TLN2: variants seen among roughly 807,000 people sequenced by gnomAD.
TLN2 encodes the protein talin 2.
Under a neutral mutation model 294.7 loss-of-function variants are expected in TLN2, and 118 were observed. That is an observed-to-expected ratio of 0.40 (90% CI 0.34 to 0.47). The LOEUF is 0.47. Among genes scored for constraint, TLN2 ranks in the 20% least tolerant of loss-of-function variants. TLN2 has a pLI of 0.84. For synonymous variants in TLN2, 1,431 were observed against 1,304.5 expected (o/e 1.10, Z -2.09); for missense variants, 3,083 against 3,282.2 (o/e 0.94, Z 1.48).
At chr15:62,447,728 C>T (rs1276313845) in intron 1 of TLN2, among the ~76,000 whole-genome samples, 2 of 152,024 alleles carry the variant, frequency 1.3e-5, no homozygotes, top group South Asian at 2.1e-4. Flanking sequence ...CTCCTGACCC[C>T]GTGATCTGCC....
rs369853815 is a variant in TLN2 at position 62,686,911 on chromosome 15, G to A, written c.1113+115G>A. The A allele has an allele frequency of 3.8e-4, 522 of 1,381,584 alleles. 1 individual carries two copies. In the East Asian group the frequency reaches 5.1e-3, roughly 13 times the overall value. 85.6% of individuals were successfully genotyped at this position (1,381,584 alleles called of 1,614,324 possible). A position where few individuals can be genotyped will look rare whatever the true frequency, so the allele number is the denominator to read the frequency against. ...GTTTCTCTGGCCTGGGAGAGCCAGC[G>A]TGGAGTGAGGAAGATGGTGCAAGCC... On this transcript the variant is annotated intron_variant, in intron 12 of 58. Transcript: ENST00000636159.
chr15:62,562,906 T>TCACACACACACA (rs61578830), intron 1 of TLN2, among the ~76,000 whole-genome samples: 130 of 99,312 alleles, frequency 1.3e-3, no homozygotes, highest in East Asian at 2.9e-3. Context: ...TAGTATTCCA[T>TCACACACACACA]CACACACACA....
intron 1 of TLN2, among the ~76,000 whole-genome samples, chr15:62,535,207 T>G (rs1278639574): frequency 6.6e-6 from 1 of 152,192 alleles, no homozygotes; most frequent in African/African-American, 2.4e-5. Flanking sequence ...TACAGGAAAT[T>G]AGACGTGGCT....
At chr15:62,466,101 A>G (rs1170205579) in intron 1 of TLN2, among the ~76,000 whole-genome samples, 1 of 152,170 alleles carries the variant, frequency 6.6e-6, no homozygotes, top group Admixed American at 6.5e-5. Context: ...CAGGGGAGGT[A>G]TGATGAGAGG....
At chr15:62,599,257 G>A (rs1009070221) in intron 2 of TLN2, among the ~76,000 whole-genome samples, 3 of 152,184 alleles carry the variant, frequency 2.0e-5, no homozygotes, top group Admixed American at 2.0e-4. Context: ...GGGATAGAGG[G>A]GAGTCAATAT....
intron 3 of TLN2, among the ~76,000 whole-genome samples, chr15:62,630,999 T>A (rs1001632034): frequency 6.6e-6 from 1 of 152,164 alleles, no homozygotes; most frequent in African/African-American, 2.4e-5. Context: ...ATTTTTTCAT[T>A]TGAATAAGCC....
At chr15:62,817,923 C>T (rs958284606) in intron 52 of TLN2, among the ~76,000 whole-genome samples, 3 of 149,574 alleles carry the variant, frequency 2.0e-5, no homozygotes, top group African/African-American at 7.4e-5. Flanking sequence ...AGTTCTCCTG[C>T]CTCAACCTCC....
chr15:62,520,917 A>T (rs994120640), intron 1 of TLN2, among the ~76,000 whole-genome samples: 3 of 152,188 alleles, frequency 2.0e-5, no homozygotes, highest in Non-Finnish European at 2.9e-5. Flanking sequence ...TTAACTCCTT[A>T]CATACTTAGT....
In TLN2 at chr15:62,492,512, C is replaced by T. The variant is rs543801717; in HGVS notation, c.-237-97175C>T. On this transcript the variant is annotated intron_variant, in intron 1 of 58. Coordinates refer to ENST00000636159, the MANE Select transcript of TLN2 (RefSeq NM_015059.3). ...CAGAAGTTGCAGTGAGCCGAGATGGCGCCCCTGGGCGACAGAGCGAGACTC... is the reference window on the plus strand; with the variant it reads ...CAGAAGTTGCAGTGAGCCGAGATGGTGCCCCTGGGCGACAGAGCGAGACTC... 1.8e-4 allele frequency among the ~76,000 whole-genome samples: 26 copies of T among 146,692 alleles called. No homozygotes were observed. The South Asian group carries it at 3.4e-3, about 19-fold the overall frequency.
chr15:62,492,642 C>T, intron 1 of TLN2, among the ~76,000 whole-genome samples: 1 of 151,480 alleles, frequency 6.6e-6, no homozygotes, highest in Admixed American at 6.6e-5. Context: ...TGCCCTATGT[C>T]AGTTTCCTTT....
At chr15:62,570,741 T>G (rs566351392) in intron 1 of TLN2, among the ~76,000 whole-genome samples, 1 of 152,348 alleles carries the variant, frequency 6.6e-6, no homozygotes, top group Admixed American at 6.5e-5. Flanking sequence ...CCAGTAGCAC[T>G]CGGCCCCAGT....
At chr15:62,782,327 G>A (rs1484439414) in intron 44 of TLN2, among the ~76,000 whole-genome samples, 1 of 152,214 alleles carries the variant, frequency 6.6e-6, no homozygotes, top group Non-Finnish European at 1.5e-5. Flanking sequence ...TGAAAAGCTG[G>A]AGCTGAGCCC....
At chr15:62,489,558 C>G (rs1386331667) in intron 1 of TLN2, among the ~76,000 whole-genome samples, 1 of 152,150 alleles carries the variant, frequency 6.6e-6, no homozygotes, top group African/African-American at 2.4e-5. Context: ...AGCACAAATA[C>G]CTCATCCTGG....
chr15:62,680,137 C>T (rs934329601), intron 11 of TLN2, among the ~76,000 whole-genome samples: 8 of 152,182 alleles, frequency 5.3e-5, no homozygotes, highest in African/African-American at 1.4e-4. Context: ...TTTTCAAAAT[C>T]ATTTTAGCCA....
chr15:62,754,514 A>G (rs961746913), intron 36 of TLN2: 12 of 152,236 alleles, frequency 7.9e-5, no homozygotes, highest in African/African-American at 2.7e-4. Flanking sequence ...CCTGAGTGGC[A>G]CGGGGTCCCA....
At chr15:62,490,362 C>G (rs2038641996) in intron 1 of TLN2, among the ~76,000 whole-genome samples, 1 of 152,258 alleles carries the variant, frequency 6.6e-6, no homozygotes, top group East Asian at 1.9e-4. Context: ...GGGGTTATCT[C>G]TATGTGACTT....
chr15:62,555,405 A>G (rs1004802651), intron 1 of TLN2, among the ~76,000 whole-genome samples: 12 of 152,226 alleles, frequency 7.9e-5, no homozygotes, highest in African/African-American at 2.9e-4. Context: ...GAAAGATTTA[A>G]ACATTGTAGA....
intron 44 of TLN2, among the ~76,000 whole-genome samples, chr15:62,782,898 G>A (rs1338920660): frequency 6.6e-6 from 1 of 152,232 alleles, no homozygotes; most frequent in Non-Finnish European, 1.5e-5. Context: ...AGGAGGTGGA[G>A]CAGGAGGGGA....
intron 51 of TLN2, among the ~76,000 whole-genome samples, chr15:62,807,749 G>T (rs1302357243): frequency 6.6e-6 from 1 of 152,138 alleles, no homozygotes; most frequent in Non-Finnish European, 1.5e-5. Flanking sequence ...CGTTATCTGG[G>T]CATTGCAGGA....
Sources: allele counts gnomAD v4.1 joint callset (sites outside exome capture counted in the v4.1 genomes callset), GRCh38; gene constraint gnomAD v4.1.1; transcripts MANE v1.5; gene names NCBI Gene and HGNC (gene_info 2026-07-23, HGNC 2026-07-21).